CFHR5: variants seen among roughly 807,000 people sequenced by gnomAD.
CFHR5 encodes the protein complement factor H related 5, also known as complement factor H-related protein 5.
A neutral mutation model predicts 62.9 loss-of-function variants in CFHR5; 73 were observed. That is an observed-to-expected ratio of 1.16 (90% CI 0.96 to 1.41). The LOEUF (loss-of-function observed/expected upper bound fraction) is 1.41. Among genes scored for constraint, CFHR5 ranks in the 40% most tolerant of loss-of-function variants. CFHR5 has a pLI of 0.00. For missense variants in CFHR5, 779 were observed against 679.9 expected, an observed-to-expected ratio of 1.15 and a Z score of -1.62; for synonymous variants, 249 against 227.2, an observed-to-expected ratio of 1.10 and a Z score of -0.86.
At chr1:196,978,519 C>T (rs1653455523) in intron 1 of CFHR5, among the ~76,000 whole-genome samples, 1 of 152,076 alleles carries the variant, frequency 6.6e-6, no homozygotes, top group Non-Finnish European at 1.5e-5. Context: ...TATTTTACTG[C>T]TTTACTGCTT....
intron 3 of CFHR5, among the ~76,000 whole-genome samples, chr1:196,984,867 C>T (rs9427663): frequency 0.013 from 2,022 of 152,306 alleles, 39 homozygotes; most frequent in African/African-American, 0.045. Flanking sequence ...ACTGACCTTA[C>T]TAGTCTCAAC....
chr1:197,000,091 G>A (rs927429621), intron 7 of CFHR5, among the ~76,000 whole-genome samples: 2 of 151,522 alleles, frequency 1.3e-5, no homozygotes, highest in African/African-American at 4.9e-5. Flanking sequence ...GAAATACAGG[G>A]AATAATAATA....
chr1:196,984,194 G>A, intron 3 of CFHR5, 57 bp downstream of exon 3: 11 of 1,368,216 alleles, frequency 8.0e-6, no homozygotes, highest in Non-Finnish European at 9.3e-6. Flanking sequence ...TAAATCTATA[G>A]TTTATAGATT....
At chr1:196,982,862 C>A in intron 1 of CFHR5, 23 bp from the exon 2 acceptor site, 1 of 1,591,716 alleles carries the variant, frequency 6.3e-7, no homozygotes, top group South Asian at 1.1e-5. Flanking sequence ...TTTAATTCTT[C>A]AGTTTTGTGT....
At chr1:196,995,671 T>G (rs776072444) in intron 4 of CFHR5, 46 bp from the exon 5 acceptor site, 2 of 1,525,522 alleles carry the variant, frequency 1.3e-6, no homozygotes, top group Non-Finnish European at 1.8e-6. Flanking sequence ...CATTTTTCTA[T>G]ACTTATAAGA....
chr1:196,992,129 C>G (rs770992620), intron 3 of CFHR5, among the ~76,000 whole-genome samples: 3 of 152,154 alleles, frequency 2.0e-5, no homozygotes, highest in African/African-American at 7.2e-5. Context: ...GCTGCTGCCT[C>G]ACAGGTCGAT....
At chr1:196,983,884 C>A in intron 2 of CFHR5, 77 bp from the exon 3 acceptor site, 1 of 1,034,566 alleles carries the variant, frequency 9.7e-7, no homozygotes. Context: ...CAAAGTTTTC[C>A]TTTCTTAATG....
Position 197,002,691 on chromosome 1 carries a change from C to T in CFHR5, c.1330+27C>T, listed in dbSNP as rs766614459. The T allele has an allele frequency of 7.6e-6, 12 of 1,577,622 alleles. No individual in the cohort carries two copies. The South Asian group carries it at 1.3e-4, about 18-fold the overall frequency. On this transcript the variant is annotated intron_variant, in intron 8 of 9. Coordinates refer to ENST00000256785, the MANE Select transcript of CFHR5 (RefSeq NM_030787.4). ...TTAGTAGTTTATTTCTAAGTAATTTCACTTAAAAAGAGGTTATTAATCCCC... is the reference window on the plus strand; with the variant it reads ...TTAGTAGTTTATTTCTAAGTAATTTTACTTAAAAAGAGGTTATTAATCCCC...
intron 3 of CFHR5, among the ~76,000 whole-genome samples, chr1:196,985,067 A>G (rs1653645622): frequency 6.6e-6 from 1 of 152,030 alleles, no homozygotes; most frequent in Non-Finnish European, 1.5e-5. Context: ...ATTTTGTAAA[A>G]TTTTCTAAAT....
chr1:196,999,805 A>ATGTGTG (rs538840550), intron 7 of CFHR5, among the ~76,000 whole-genome samples: 107 of 135,396 alleles, frequency 7.9e-4, no homozygotes, highest in Middle Eastern at 4.2e-3. Flanking sequence ...GTGTATATAT[A>ATGTGTG]TGTGTGTGTG....
intron 1 of CFHR5, among the ~76,000 whole-genome samples, chr1:196,977,924 C>G (rs1653439710): frequency 6.6e-6 from 1 of 152,114 alleles, no homozygotes; most frequent in Non-Finnish European, 1.5e-5. Context: ...TCTCTCCGTT[C>G]TCTAGTTTGC....
chr1:196,986,984 AAC>A (rs2125029056), intron 3 of CFHR5, among the ~76,000 whole-genome samples: 1 of 152,286 alleles, frequency 6.6e-6, no homozygotes, highest in South Asian at 2.1e-4. Context: ...CACTCCCAAC[AAC>A]AGTGTAAAAG....
In CFHR5 at chr1:196,994,139, A is replaced by G. The variant is rs755352455; in HGVS notation, c.490A>G (p.Ser164Gly). 5 of 1,613,630 alleles carry G rather than the reference A, an allele frequency of 3.1e-6. No homozygotes were observed. Among genetic ancestry groups the G allele is most frequent in the African/African-American group, 1.3e-5 (1 of 75,000 alleles). Residue 164 changes from serine to glycine, a missense_variant, in exon 4 of 10, where the codon AGC becomes GGC. Ser to Gly is a moderately conservative substitution (Grantham distance 56). Coordinates refer to ENST00000256785, the MANE Select transcript of CFHR5 (RefSeq NM_030787.4). Reference sequence around the variant, plus strand: ...TGTAGATGCTCAGCCAAAAAAAGAAAGCTACAAAGTTGGAGACGTGTTGAA... The same window carrying G: ...TGTAGATGCTCAGCCAAAAAAAGAAGGCTACAAAGTTGGAGACGTGTTGAA... Reference protein sequence around the residue: ...ANVDAQPKKESYKVGDVLKFS... With the variant: ...ANVDAQPKKEGYKVGDVLKFS...
At position 196,983,073 on chromosome 1, in the gene CFHR5, T is replaced by G. The variant is rs1474351420; in HGVS notation, c.247T>G (p.Cys83Gly). 6.2e-7 allele frequency: 1 copy of G among 1,614,028 alleles called. No individual in the cohort carries two copies. The highest frequency in any genetic ancestry group is 2.2e-5 in the East Asian group (1 of 44,856). The change falls in exon 2 of 10, where the codon TGT (cysteine) becomes GGT (glycine). Residue 83 changes from cysteine (C) to glycine (G), a missense_variant. Transcript: ENST00000256785. ...TEEGWSPTPK[C>G]LRMCSFPFVK... ...AGAAGGATGGTCACCAACACCGAAG[T>G]GTCTCAGTGAGTAAATGCCCTGTTC... is the stretch of plus-strand genomic sequence containing the variant.
At chr1:196,998,700 T>C (rs1345340153) in intron 7 of CFHR5, among the ~76,000 whole-genome samples, 1 of 152,046 alleles carries the variant, frequency 6.6e-6, no homozygotes, top group Non-Finnish European at 1.5e-5. Context: ...AAAAGTAGGC[T>C]GAGAAAGAAA....
intron 7 of CFHR5, among the ~76,000 whole-genome samples, chr1:196,999,722 T>TATATATACACACAC (rs1164729053): frequency 1.7e-5 from 2 of 116,198 alleles, no homozygotes; most frequent in African/African-American, 6.9e-5. Flanking sequence ...TATATATATA[T>TATATATACACACAC]ACACACACAC....
intron 3 of CFHR5, among the ~76,000 whole-genome samples, chr1:196,986,376 A>G (rs777493428): frequency 1.3e-5 from 2 of 151,788 alleles, no homozygotes; most frequent in Admixed American, 6.6e-5. Flanking sequence ...TTCTTTTTAT[A>G]TATATATATA....
Position 196,992,764 on chromosome 1 carries a change from A to G in CFHR5, c.431-1316A>G, listed in dbSNP as rs1571519828. Among the ~76,000 whole-genome samples, 5 of 152,346 alleles carry G rather than the reference A, an allele frequency of 3.3e-5. No individual in the cohort carries two copies. In the South Asian group the frequency reaches 8.3e-4, roughly 25 times the overall value. On this transcript the variant is annotated intron_variant, in intron 3 of 9. Transcript: ENST00000256785. ...AACTGTCATGCAAAATACTGGAATA[A>G]CAAACAGAGATTTAGAGATACACAT...
chr1:197,006,343 T>C (rs113025752), intron 9 of CFHR5, among the ~76,000 whole-genome samples: 1,959 of 152,168 alleles, frequency 0.013, 22 homozygotes, highest in Non-Finnish European at 0.022. Flanking sequence ...CAAGGAAACA[T>C]GATCTAACTA....
Sources: allele counts gnomAD v4.1 joint callset (sites outside exome capture counted in the v4.1 genomes callset), GRCh38; gene constraint gnomAD v4.1.1; transcripts MANE v1.5; gene names NCBI Gene and HGNC (gene_info 2026-07-23, HGNC 2026-07-21).